The following CLCN7 variants were observed in gnomAD, a reference collection of about 807,000 sequenced individuals.
CLCN7 encodes the protein Cl-/H+ antiporter 7, also known as H(+)/Cl(-) exchange transporter 7.
In CLCN7, 60 loss-of-function variants were observed where a neutral mutation model predicts 102.1. The observed-to-expected ratio is 0.59, with a 90% CI of 0.48 to 0.73. CLCN7 has a LOEUF of 0.73. Among genes scored for constraint, CLCN7 ranks in the 30% least tolerant of loss-of-function variants. The pLI is 0.00. For synonymous variants in CLCN7, 560 were observed against 490.5 expected, an observed-to-expected ratio of 1.14 and a Z score of -1.87; for missense variants, 962 against 1,125.7, an observed-to-expected ratio of 0.85 and a Z score of 2.08.
chr16:1,456,781 C>T (rs2038841649), intron 9 of CLCN7, among the ~76,000 whole-genome samples: 1 of 150,280 alleles, frequency 6.7e-6, no homozygotes, highest in African/African-American at 2.5e-5. Context: ...GTGGAGGCTG[C>T]AGTGAGCTGA....
At position 1,460,828 on chromosome 16, in the gene CLCN7, C is replaced by T. The variant is rs761253697; in HGVS notation, c.472G>A (p.Val158Ile). The T allele has an allele frequency of 1.4e-5, 22 of 1,614,034 alleles. No individual in the cohort carries two copies. The highest frequency in any genetic ancestry group is 1.9e-5 in the Non-Finnish European group (22 of 1,179,952). The part of the protein sequence containing the change: ...VENLAGLKYR[V>I]IKGNIDKFTE... ...CTGGGAAGGATACTGCCCTTGATGA[C>T]CCTGTACTTGAGGCCAGCCAGGTTT... Residue 158 changes from valine to isoleucine, a missense_variant, in exon 5 of 25, where the codon GTC (valine) becomes ATC (isoleucine). This residue lies in a region of CLCN7 where 799 missense variants were observed against 988.0 expected (regional missense o/e 0.81). Coordinates refer to ENST00000382745, the MANE Select transcript of CLCN7 (RefSeq NM_001287.6).
chr16:1,454,621 C>T (rs184347855), intron 12 of CLCN7, among the ~76,000 whole-genome samples, 156 bp from the exon 13 acceptor site: 4 of 152,352 alleles, frequency 2.6e-5, no homozygotes, highest in East Asian at 1.9e-4. Context: ...GGGAGAAACA[C>T]ACTGGGTGTT....
intron 23 of CLCN7, 54 bp downstream of exon 23, chr16:1,447,337 CA>C: frequency 6.6e-7 from 1 of 1,506,978 alleles, no homozygotes; most frequent in Non-Finnish European, 8.9e-7. Context: ...CTCTGGACCC[CA>C]CCCCCTGCTG....
At chr16:1,449,395 GGAGGA>G (rs1278202308) in intron 17 of CLCN7, 68 bp from the exon 18 acceptor site, 1 of 1,481,132 alleles carries the variant, frequency 6.8e-7, no homozygotes, top group Non-Finnish European at 9.2e-7. Flanking sequence ...ATACACAGAC[GGAGGA>G]GGCCCTGCCC....
chr16:1,471,702 T>C (rs549196537), intron 1 of CLCN7: 4 of 152,376 alleles, frequency 2.6e-5, no homozygotes, highest in Non-Finnish European at 5.9e-5. Flanking sequence ...ACGGGAAAAC[T>C]GGGCAACAGG....
intron 1 of CLCN7, chr16:1,471,840 C>CA (rs2039082344): frequency 1.3e-5 from 2 of 152,288 alleles, no homozygotes; most frequent in South Asian, 4.1e-4. Flanking sequence ...AAGGCTGGGG[C>CA]CCTTCAGGAA....
At chr16:1,451,044 C>T (rs1002645611) in intron 16 of CLCN7, among the ~76,000 whole-genome samples, 4 of 152,228 alleles carry the variant, frequency 2.6e-5, no homozygotes, top group East Asian at 1.9e-4. Flanking sequence ...GGTTCCTTTC[C>T]TGGAGCAGGC....
intron 7 of CLCN7, among the ~76,000 whole-genome samples, chr16:1,458,107 T>G (rs958849355): frequency 6.6e-6 from 1 of 152,178 alleles, no homozygotes; most frequent in African/African-American, 2.4e-5. Flanking sequence ...GTGTTCCCGC[T>G]AGCCCCGCCT....
At chr16:1,465,392 G>C in intron 1 of CLCN7, 54 bp from the exon 2 acceptor site, 2 of 1,503,080 alleles carry the variant, frequency 1.3e-6, no homozygotes, top group East Asian at 4.7e-5. Context: ...GCTCTGCTCC[G>C]TGGATTCTCA....
rs2038634870 is a variant in CLCN7 at position 1,446,093 on chromosome 16, C to T, written c.*538G>A. ...AGCTGCTCTCCGGGGCGGTCGCAGC[C>T]TCCAAACCCTGGTGCTACGAGTCCG... On this transcript the variant is annotated 3_prime_UTR_variant, in exon 25 of 25. Transcript: ENST00000382745. The T allele has an allele frequency of 1.7e-6, 1 of 595,514 alleles. No individual in the cohort carries two copies. The highest frequency in any genetic ancestry group is 1.9e-5 in the African/African-American group (1 of 53,694). The allele number at this position is 595,514 out of a possible 1,614,324, so 36.9% of individuals were successfully genotyped here.
At chr16:1,460,136 G>A (rs1220733480) in intron 6 of CLCN7, among the ~76,000 whole-genome samples, 1 of 152,006 alleles carries the variant, frequency 6.6e-6, no homozygotes, top group Admixed American at 6.5e-5. Context: ...TGGAAGGAGG[G>A]GAGGGCAGAG....
intron 2 of CLCN7, among the ~76,000 whole-genome samples, chr16:1,462,737 TGA>T (rs1171290010): frequency 6.7e-6 from 1 of 148,980 alleles, no homozygotes; most frequent in Non-Finnish European, 1.5e-5. Flanking sequence ...GGAAGAGAAT[TGA>T]GAGAGTCCAG....
At chr16:1,449,534 C>G (rs1011681815) in intron 17 of CLCN7, 4 of 610,060 alleles carry the variant, frequency 6.6e-6, no homozygotes, top group Admixed American at 5.4e-5. Context: ...GCTCAGCACC[C>G]GAGCAACAGG....
rs755846000 is a variant in CLCN7, at chr16:1,446,568, C to T, written c.*63G>A. The stretch of plus-strand genomic sequence containing the variant: ...GTTTGGGCCGAGAAACCAGTGACTC[C>T]GGGAGGAAATGCAGAAGGGCCGGGG... On this transcript the variant is annotated 3_prime_UTR_variant, in exon 25 of 25. Coordinates refer to ENST00000382745, the MANE Select transcript of CLCN7 (RefSeq NM_001287.6). 3.1e-5 allele frequency: 43 copies of T among 1,404,940 alleles called. No individual in the cohort carries two copies. The highest frequency in any genetic ancestry group is 1.7e-4 in the Middle Eastern group (1 of 5,724). 87.0% of individuals were successfully genotyped at this position (1,404,940 alleles called of 1,614,324 possible).
In CLCN7 at chr16:1,462,677, A is replaced by C. The variant is rs868028695; in HGVS notation, c.214-1003T>G. Among the ~76,000 whole-genome samples, 81 of 146,930 alleles carry C rather than the reference A, an allele frequency of 5.5e-4. No homozygotes were observed. The Middle Eastern group carries it at 0.011, about 20-fold the overall frequency. On this transcript the variant is annotated intron_variant, in intron 2 of 24. Coordinates refer to ENST00000382745, the MANE Select transcript of CLCN7 (RefSeq NM_001287.6). The stretch of plus-strand genomic sequence containing the variant: ...CTTAAAAAAAAGCCAAAAAAAAAAA[A>C]AAAAAAAAAACCAGGCATGGTACTG...
chr16:1,473,412 T>TGTC (rs2039105613), intron 1 of CLCN7, among the ~76,000 whole-genome samples: 4 of 139,886 alleles, frequency 2.9e-5, no homozygotes, highest in Non-Finnish European at 6.1e-5. Context: ...AGTCTCGCTC[T>TGTC]GCCCAGGCTG....
At chr16:1,448,858 G>A (rs1464371549) in intron 19 of CLCN7, 92 bp from the exon 20 acceptor site, 34 of 1,597,518 alleles carry the variant, frequency 2.1e-5, no homozygotes, top group Non-Finnish European at 2.7e-5. Context: ...GCCGCCCCCA[G>A]AAACCCTGAG....
At chr16:1,446,810 C>T in intron 24 of CLCN7, 93 bp from the exon 25 acceptor site, 1 of 1,255,270 alleles carries the variant, frequency 8.0e-7, no homozygotes, top group Non-Finnish European at 1.1e-6. Flanking sequence ...GCAGCACAGG[C>T]AGGGGGCCCT....
intron 2 of CLCN7, among the ~76,000 whole-genome samples, chr16:1,463,698 G>C (rs1435166210): frequency 1.3e-5 from 2 of 151,692 alleles, no homozygotes; most frequent in Admixed American, 6.6e-5. Flanking sequence ...TGTCTAGGCT[G>C]ATCTCCAAAT....
Sources: gnomAD v4.1 joint callset for allele counts (sites outside exome capture counted in the v4.1 genomes callset) on GRCh38, gnomAD v4.1.1 for gene constraint, gnomAD v4.1.1 regional missense constraint, MANE v1.5 for transcripts, NCBI Gene and HGNC (gene_info 2026-07-23, HGNC 2026-07-21) for gene names.